JARID2: variants seen among roughly 807,000 people sequenced by gnomAD.
The protein encoded by JARID2 is jumonji and AT-rich interaction domain containing 2, also known as protein Jumonji.
A neutral mutation model predicts 125.6 loss-of-function variants in JARID2; 21 were observed. The ratio of observed to expected loss-of-function variants is 0.17; its 90% CI spans 0.12 to 0.24. The LOEUF is 0.24. JARID2 is among the 10% of genes least tolerant of loss of function. The pLI is 1.00. For missense variants in JARID2, 1,303 were observed against 1,639.6 expected, an observed-to-expected ratio of 0.79 and a Z score of 3.55; for synonymous variants, 736 against 661.6, an observed-to-expected ratio of 1.11 and a Z score of -1.73.
At chr6:15,470,111 A>AG (rs1297413517) in intron 5 of JARID2, among the ~76,000 whole-genome samples, 2 of 149,208 alleles carry the variant, frequency 1.3e-5, no homozygotes, top group African/African-American at 2.5e-5. Context: ...CGGGAGGCGG[A>AG]GGTTGCAGTG....
intron 5 of JARID2, among the ~76,000 whole-genome samples, chr6:15,470,584 T>C (rs1000133546): frequency 1.3e-5 from 2 of 152,234 alleles, no homozygotes; most frequent in African/African-American, 4.8e-5. Flanking sequence ...TGTGTTTAGG[T>C]GACACATCTG....
intron 1 of JARID2, among the ~76,000 whole-genome samples, chr6:15,354,105 A>G (rs73363106): frequency 0.053 from 8,032 of 152,252 alleles, 709 homozygotes; most frequent in African/African-American, 0.18. Flanking sequence ...TTGATCAAGG[A>G]TCATCAGACG....
chr6:15,483,778 T>C (rs1769736207), intron 5 of JARID2, among the ~76,000 whole-genome samples: 1 of 152,214 alleles, frequency 6.6e-6, no homozygotes, highest in South Asian at 2.1e-4. Context: ...GGAAATGGAA[T>C]TGGTGGGTCA....
chr6:15,363,499 C>G (rs1221899036), intron 1 of JARID2, among the ~76,000 whole-genome samples: 2 of 152,168 alleles, frequency 1.3e-5, no homozygotes, highest in Admixed American at 6.5e-5. Context: ...CTCACTCTTT[C>G]CACCTGCCAC....
chr6:15,317,416 C>T (rs1762215262), intron 1 of JARID2, among the ~76,000 whole-genome samples: 1 of 152,142 alleles, frequency 6.6e-6, no homozygotes, highest in Non-Finnish European at 1.5e-5. Context: ...GGTAGAAATA[C>T]AGTTTTGTTT....
chr6:15,473,650 T>C (rs1416518043), intron 5 of JARID2, among the ~76,000 whole-genome samples: 2 of 152,076 alleles, frequency 1.3e-5, no homozygotes, highest in Non-Finnish European at 2.9e-5. Context: ...ATGGGTTTTA[T>C]GTATTTGTTG....
chr6:15,319,952 C>T (rs73361569), intron 1 of JARID2, among the ~76,000 whole-genome samples: 4,186 of 152,270 alleles, frequency 0.027, 204 homozygotes, highest in African/African-American at 0.095. Context: ...CTTATTCGAA[C>T]TGGAGCTAAG....
At chr6:15,330,309 G>C (rs976334954) in intron 1 of JARID2, among the ~76,000 whole-genome samples, 2 of 152,230 alleles carry the variant, frequency 1.3e-5, no homozygotes, top group Non-Finnish European at 1.5e-5. Flanking sequence ...GGTCTGGTGA[G>C]GTTACATTAT....
chr6:15,416,196 T>C, intron 3 of JARID2, among the ~76,000 whole-genome samples: 1 of 150,544 alleles, frequency 6.6e-6, no homozygotes, highest in East Asian at 2.0e-4. Flanking sequence ...CGCTCCTCAC[T>C]TTCCAGACTG....
chr6:15,301,072 A>G (rs1425319007), intron 1 of JARID2, among the ~76,000 whole-genome samples: 2 of 152,192 alleles, frequency 1.3e-5, no homozygotes, highest in Non-Finnish European at 2.9e-5. Context: ...GCAAATGTTT[A>G]AAGCAGCGTA....
chr6:15,382,372 C>T (rs1363474122), intron 2 of JARID2, among the ~76,000 whole-genome samples: 1 of 152,164 alleles, frequency 6.6e-6, no homozygotes, highest in Non-Finnish European at 1.5e-5. Flanking sequence ...GTTGTATATC[C>T]ATGAGCCTTG....
chr6:15,308,065 T>C (rs1761897061), intron 1 of JARID2, among the ~76,000 whole-genome samples: 2 of 152,170 alleles, frequency 1.3e-5, no homozygotes, highest in Non-Finnish European at 2.9e-5. Context: ...TCTTCCTCCT[T>C]AAATTTTTCT....
chr6:15,440,459 G>A (rs1028589590), intron 3 of JARID2, among the ~76,000 whole-genome samples: 1 of 152,214 alleles, frequency 6.6e-6, no homozygotes, highest in East Asian at 1.9e-4. Context: ...GTTTGATTCA[G>A]TGATGCCATT....
rs1455167639 is a variant in JARID2 at position 15,511,311 on chromosome 6, T to A, written c.2862T>A (p.Ala954=). The change falls in exon 13 of 18, where the codon GCT becomes GCA. Residue 954 remains alanine (A), a synonymous_variant. Transcript: ENST00000341776. ...AATGACCCAGGTATTGCATTCCTGC[T>A]GAGGAGGAGAACAAGCTGGAAGATG... ...GADCIWYCIP[A]EEENKLEDVV... is the part of the protein sequence containing the mutation. The A allele has an allele frequency of 1.9e-6, 3 of 1,613,392 alleles. No homozygotes were observed. In the African/African-American group the frequency reaches 4.0e-5, roughly 22 times the overall value.
intron 1 of JARID2, among the ~76,000 whole-genome samples, chr6:15,285,220 C>T (rs1760951856): frequency 6.7e-6 from 1 of 148,978 alleles, no homozygotes; most frequent in Non-Finnish European, 1.5e-5. Flanking sequence ...AAGCGATTCT[C>T]TTGCCTCAGC....
At chr6:15,427,919 T>G (rs1766800658) in intron 3 of JARID2, among the ~76,000 whole-genome samples, 1 of 152,120 alleles carries the variant, frequency 6.6e-6, no homozygotes, top group African/African-American at 2.4e-5. Context: ...TGCTTGATGT[T>G]AATACCTCAC....
chr6:15,298,809 A>C (rs1761501138), intron 1 of JARID2, among the ~76,000 whole-genome samples: 1 of 152,052 alleles, frequency 6.6e-6, no homozygotes, highest in South Asian at 2.1e-4. Flanking sequence ...GCTGAAAATA[A>C]ACTTTCATAT....
chr6:15,376,421 A>G (rs1330551230), intron 2 of JARID2, among the ~76,000 whole-genome samples: 1 of 152,176 alleles, frequency 6.6e-6, no homozygotes, highest in Non-Finnish European at 1.5e-5. Flanking sequence ...GTGTGCTTTA[A>G]GAATCATTAT....
chr6:15,277,437 G>T (rs1760569240), intron 1 of JARID2, among the ~76,000 whole-genome samples: 3 of 152,078 alleles, frequency 2.0e-5, no homozygotes, highest in Admixed American at 1.3e-4. Flanking sequence ...TAATTGTTCT[G>T]ATTTTAATAA....
Sources: gnomAD v4.1 joint callset for allele counts (sites outside exome capture counted in the v4.1 genomes callset) on GRCh38, gnomAD v4.1.1 for gene constraint, MANE v1.5 for transcripts, NCBI Gene and HGNC (gene_info 2026-07-23, HGNC 2026-07-21) for gene names.